The following SSBP2 variants were observed in gnomAD, a reference collection of about 807,000 sequenced individuals.
The protein encoded by SSBP2 is single stranded DNA binding protein 2.
In SSBP2, 17 loss-of-function variants were observed where a neutral mutation model predicts 61.8. That is an observed-to-expected ratio of 0.28 (90% confidence interval 0.19 to 0.41). The LOEUF (loss-of-function observed/expected upper bound fraction) is 0.41. Among genes scored for constraint, SSBP2 ranks in the 10% least tolerant of loss-of-function variants. The pLI is 1.00. For synonymous variants in SSBP2, 139 were observed against 141.3 expected (o/e 0.98, Z 0.12); for missense variants, 310 against 458.7 (o/e 0.68, Z 2.96).
intron 4 of SSBP2, among the ~76,000 whole-genome samples, chr5:81,522,646 T>G (rs1769579407): frequency 6.6e-6 from 1 of 152,074 alleles, no homozygotes; most frequent in Non-Finnish European, 1.5e-5. Context: ...GAAGAACAAG[T>G]TTTTCTATTT....
At chr5:81,643,995 CTG>C (rs555214455) in intron 2 of SSBP2, among the ~76,000 whole-genome samples, 160 of 152,296 alleles carry the variant, frequency 1.1e-3, no homozygotes, top group African/African-American at 3.6e-3. Flanking sequence ...TCATCTAAAA[CTG>C]TGCTGTTCAA....
intron 6 of SSBP2, among the ~76,000 whole-genome samples, chr5:81,477,159 A>T (rs1361268528): frequency 6.6e-6 from 1 of 152,150 alleles, no homozygotes; most frequent in South Asian, 2.1e-4. Context: ...AATTCCTTTT[A>T]GTGGAGGACA....
chr5:81,679,702 A>G (rs1752246919), intron 1 of SSBP2, among the ~76,000 whole-genome samples: 1 of 152,234 alleles, frequency 6.6e-6, no homozygotes, highest in African/African-American at 2.4e-5. Context: ...GTGCCAACAA[A>G]TAGAAAACAG....
At chr5:81,702,311 C>T (rs1754045728) in intron 1 of SSBP2, among the ~76,000 whole-genome samples, 1 of 152,258 alleles carries the variant, frequency 6.6e-6, no homozygotes, top group Middle Eastern at 3.4e-3. Context: ...TCAGAGGTTC[C>T]AGTGAGCCAA....
At chr5:81,454,328 G>A (rs1763983395) in intron 10 of SSBP2, among the ~76,000 whole-genome samples, 1 of 152,190 alleles carries the variant, frequency 6.6e-6, no homozygotes. Flanking sequence ...ATAGACTAAA[G>A]ACTCATTTGA....
At chr5:81,714,859 G>T (rs901044892) in intron 1 of SSBP2, among the ~76,000 whole-genome samples, 1 of 151,976 alleles carries the variant, frequency 6.6e-6, no homozygotes, top group Non-Finnish European at 1.5e-5. Context: ...GTAAAGCAAC[G>T]GCAACAAAAG....
At chr5:81,496,128 G>A (rs1767256178) in intron 5 of SSBP2, among the ~76,000 whole-genome samples, 1 of 152,072 alleles carries the variant, frequency 6.6e-6, no homozygotes, top group African/African-American at 2.4e-5. Context: ...ACTTTTTTGA[G>A]GATAAAATTA....
At position 81,636,760 on chromosome 5, in the gene SSBP2, C is replaced by G. The variant is rs1009323949; in HGVS notation, c.136-142G>C. The G allele has an allele frequency of 1.3e-5, 9 of 699,944 alleles. No homozygotes were observed. In the African/African-American group the frequency reaches 1.6e-4, roughly 13 times the overall value. 43.4% of individuals were successfully genotyped at this position (699,944 alleles called of 1,614,324 possible). A position where few individuals can be genotyped will look rare whatever the true frequency, so the allele number is the denominator to read the frequency against. ...CATGATATTTTTTACCCAAGTTTTGCAAGTACTCATTTTACAAGTGATTTG... is the reference window on the plus strand; with the variant it reads ...CATGATATTTTTTACCCAAGTTTTGGAAGTACTCATTTTACAAGTGATTTG... On this transcript the variant is annotated intron_variant, in intron 2 of 16. Transcript: ENST00000320672.
chr5:81,748,171 G>A (rs1249852507), intron 1 of SSBP2, among the ~76,000 whole-genome samples: 1 of 152,118 alleles, frequency 6.6e-6, no homozygotes, highest in East Asian at 1.9e-4. Flanking sequence ...TAAAACCAAT[G>A]TGCTTATTTC....
At chr5:81,550,620 G>C (rs1377742883) in intron 4 of SSBP2, among the ~76,000 whole-genome samples, 1 of 152,132 alleles carries the variant, frequency 6.6e-6, no homozygotes, top group Non-Finnish European at 1.5e-5. Context: ...TGAGCAGAAT[G>C]GGACAATCTG....
chr5:81,528,066 A>G (rs1180573526), intron 4 of SSBP2, among the ~76,000 whole-genome samples: 1 of 151,928 alleles, frequency 6.6e-6, no homozygotes, highest in East Asian at 1.9e-4. Flanking sequence ...CATAAATTCT[A>G]TTGTGGTACC....
intron 1 of SSBP2, among the ~76,000 whole-genome samples, chr5:81,708,733 A>C (rs1451697597): frequency 1.3e-5 from 2 of 152,018 alleles, no homozygotes; most frequent in African/African-American, 2.4e-5. Flanking sequence ...AATGTGTCCC[A>C]ATTGAAGCTG....
intron 14 of SSBP2, among the ~76,000 whole-genome samples, chr5:81,438,884 T>C (rs1762836463): frequency 6.6e-6 from 1 of 152,232 alleles, no homozygotes; most frequent in Non-Finnish European, 1.5e-5. Context: ...TTCATTAAGG[T>C]AGTCATTAGC....
At chr5:81,701,639 A>G (rs992242871) in intron 1 of SSBP2, among the ~76,000 whole-genome samples, 2 of 152,232 alleles carry the variant, frequency 1.3e-5, no homozygotes, top group African/African-American at 4.8e-5. Flanking sequence ...GAACATTTTG[A>G]GTAGGCTAAT....
intron 1 of SSBP2, among the ~76,000 whole-genome samples, chr5:81,694,781 C>T (rs1753477270): frequency 6.6e-6 from 1 of 152,088 alleles, no homozygotes; most frequent in Admixed American, 6.6e-5. Flanking sequence ...TCAAAACCAG[C>T]CTGGGCAACA....
chr5:81,568,992 A>G (rs1308398081), intron 4 of SSBP2, among the ~76,000 whole-genome samples: 1 of 152,156 alleles, frequency 6.6e-6, no homozygotes, highest in East Asian at 1.9e-4. Flanking sequence ...CAACGTCTTG[A>G]TGAAATATCA....
intron 1 of SSBP2, among the ~76,000 whole-genome samples, chr5:81,653,664 A>T (rs538248601): frequency 1.1e-4 from 16 of 152,028 alleles, no homozygotes; most frequent in Non-Finnish European, 2.1e-4. Flanking sequence ...ATGGTATCTC[A>T]TTGTGGTTTT....
At chr5:81,493,722 T>C (rs1767072039) in intron 5 of SSBP2, among the ~76,000 whole-genome samples, 1 of 151,852 alleles carries the variant, frequency 6.6e-6, no homozygotes, top group South Asian at 2.1e-4. Flanking sequence ...TGCCATTGCA[T>C]TCCAGCCTGG....
intron 3 of SSBP2, among the ~76,000 whole-genome samples, chr5:81,636,150 C>T (rs939001688): frequency 6.6e-6 from 1 of 152,144 alleles, no homozygotes; most frequent in Non-Finnish European, 1.5e-5. Flanking sequence ...TGTAAGGACA[C>T]AGTGAAAAGG....
Sources: gnomAD v4.1 joint callset for allele counts (sites outside exome capture counted in the v4.1 genomes callset) on GRCh38, gnomAD v4.1.1 for gene constraint, MANE v1.5 for transcripts, NCBI Gene and HGNC (gene_info 2026-07-23, HGNC 2026-07-21) for gene names.